The following TLK1 variants were observed in gnomAD, a reference collection of about 807,000 sequenced individuals.
TLK1 encodes tousled like kinase 1, also known as serine/threonine-protein kinase tousled-like 1.
Under a neutral mutation model 105.3 loss-of-function variants are expected in TLK1, and 24 were observed. The observed-to-expected ratio is 0.23, with a 90% CI of 0.17 to 0.32. The LOEUF is 0.32. TLK1 is among the 10% of genes least tolerant of loss of function. TLK1 has a pLI of 1.00. For synonymous variants in TLK1, 321 were observed against 310.4 expected, an observed-to-expected ratio of 1.03 and a Z score of -0.36; for missense variants, 558 against 910.5, an observed-to-expected ratio of 0.61 and a Z score of 4.98.
At chr2:171,063,909 C>T (rs1575565888) in intron 3 of TLK1, among the ~76,000 whole-genome samples, 1 of 152,298 alleles carries the variant, frequency 6.6e-6, no homozygotes, top group Middle Eastern at 3.4e-3. Context: ...AAATACTTCA[C>T]TGGATATGCA....
At chr2:171,023,235 T>C (rs1575524687) in intron 12 of TLK1, 2 of 466,714 alleles carry the variant, frequency 4.3e-6, no homozygotes, top group East Asian at 1.4e-4. Flanking sequence ...GATTTTTGTT[T>C]TAGTAGAGAT....
At chr2:171,159,590 G>A (rs969030522) in intron 1 of TLK1, 1 of 152,282 alleles carries the variant, frequency 6.6e-6, no homozygotes. Flanking sequence ...TAGCCTACTT[G>A]CAGCAGAGAA....
At chr2:171,059,791 A>C (rs781362788) in intron 4 of TLK1, 14 of 663,162 alleles carry the variant, frequency 2.1e-5, no homozygotes, top group South Asian at 3.3e-5. Flanking sequence ...GATTCTCATA[A>C]GGGAGTGCAT....
At chr2:171,195,490 A>G (rs1183290194) in intron 1 of TLK1, among the ~76,000 whole-genome samples, 1 of 142,890 alleles carries the variant, frequency 7.0e-6, no homozygotes, top group Non-Finnish European at 1.5e-5. Context: ...TGACAGAGCA[A>G]GACTCTGTCT....
At chr2:171,069,462 A>G (rs1238844439) in intron 3 of TLK1, among the ~76,000 whole-genome samples, 1 of 152,208 alleles carries the variant, frequency 6.6e-6, no homozygotes, top group Non-Finnish European at 1.5e-5. Context: ...GTATTTGGCA[A>G]TACCTAGAGG....
intron 1 of TLK1, among the ~76,000 whole-genome samples, chr2:171,201,915 A>G (rs971192266): frequency 2.6e-5 from 4 of 151,822 alleles, no homozygotes; most frequent in African/African-American, 9.7e-5. Flanking sequence ...CTATCTATCT[A>G]TCTATCTATC....
rs1218215042 is a variant in TLK1, at chr2:170,991,176, T to G, written c.*2604A>C. ...AATCATATGCAAAAACTGTTGATTT[T>G]ACCCTACATCAGTGCTGACTCTTAA... On this transcript the variant is annotated 3_prime_UTR_variant, in exon 21 of 21. Transcript: ENST00000431350. 6.6e-6 allele frequency: 1 copy of G among 152,216 alleles called. No homozygotes were observed. Among genetic ancestry groups the G allele is most frequent in the East Asian group, 1.9e-4 (1 of 5,204 alleles). The allele number at this position is 152,216 out of a possible 1,614,324, so 9.4% of individuals were successfully genotyped here. A position where few individuals can be genotyped will look rare whatever the true frequency, so the allele number is the denominator to read the frequency against.
intron 6 of TLK1, among the ~76,000 whole-genome samples, chr2:171,056,205 C>T (rs926004531): frequency 6.6e-6 from 1 of 151,980 alleles, no homozygotes; most frequent in South Asian, 2.1e-4. Context: ...CCCACAGACT[C>T]AACAGGCATT....
chr2:171,185,105 C>T (rs1364916162), intron 1 of TLK1, among the ~76,000 whole-genome samples: 3 of 152,290 alleles, frequency 2.0e-5, no homozygotes, highest in East Asian at 1.9e-4. Flanking sequence ...TCCCAAAGTG[C>T]TGGGATTACA....
At chr2:171,113,591 A>G (rs1030858361) in intron 2 of TLK1, among the ~76,000 whole-genome samples, 4 of 152,122 alleles carry the variant, frequency 2.6e-5, no homozygotes, top group African/African-American at 7.2e-5. Flanking sequence ...CTTATCATAT[A>G]TATGTAAATC....
At chr2:170,997,864 A>G in intron 18 of TLK1, 41 bp from the exon 19 acceptor site, 8 of 1,223,768 alleles carry the variant, frequency 6.5e-6, no homozygotes, top group Non-Finnish European at 8.1e-6. Context: ...ACTACTGACA[A>G]TCTGTAACTT....
intron 14 of TLK1, 126 bp downstream of exon 14, chr2:171,011,247 A>G: frequency 1.4e-6 from 1 of 716,026 alleles, no homozygotes; most frequent in East Asian, 3.1e-5. Context: ...GCACCCTCCC[A>G]TCTCCCAAAG....
intron 11 of TLK1, among the ~76,000 whole-genome samples, chr2:171,039,485 T>C (rs1686546575): frequency 6.6e-6 from 1 of 152,110 alleles, no homozygotes; most frequent in Non-Finnish European, 1.5e-5. Context: ...CTTCAACTCC[T>C]GAGCTCAAGC....
At chr2:171,201,684 C>G (rs1334584707) in intron 1 of TLK1, among the ~76,000 whole-genome samples, 8 of 152,182 alleles carry the variant, frequency 5.3e-5, no homozygotes, top group Admixed American at 5.2e-4. Flanking sequence ...TGGTACAACT[C>G]TGAAGAAATC....
At chr2:170,995,183 T>C (rs540300027) in intron 20 of TLK1, among the ~76,000 whole-genome samples, 147 of 152,190 alleles carry the variant, frequency 9.7e-4, no homozygotes, top group African/African-American at 3.2e-3. Context: ...GACTGATATG[T>C]TAGAGTTTGA....
intron 1 of TLK1, among the ~76,000 whole-genome samples, chr2:171,173,258 A>G (rs1692761786): frequency 6.6e-6 from 1 of 152,228 alleles, no homozygotes; most frequent in African/African-American, 2.4e-5. Flanking sequence ...TAACATAACT[A>G]AAAAGGAAAA....
chr2:171,119,750 G>A (rs1238338057), intron 1 of TLK1, among the ~76,000 whole-genome samples: 1 of 152,168 alleles, frequency 6.6e-6, no homozygotes, highest in Non-Finnish European at 1.5e-5. Flanking sequence ...AAATGGTGCA[G>A]GGAAAACTGG....
chr2:171,130,986 A>G (rs1480013969), intron 1 of TLK1, among the ~76,000 whole-genome samples: 1 of 151,024 alleles, frequency 6.6e-6, no homozygotes, highest in Non-Finnish European at 1.5e-5. Flanking sequence ...TCAAAATTTT[A>G]AGATTCTAAT....
intron 2 of TLK1, among the ~76,000 whole-genome samples, chr2:171,089,827 C>T (rs1689150210): frequency 6.6e-6 from 1 of 152,180 alleles, no homozygotes; most frequent in African/African-American, 2.4e-5. Flanking sequence ...GCACAAGCCA[C>T]CGTGCCTGGT....
Sources: allele counts gnomAD v4.1 joint callset (sites outside exome capture counted in the v4.1 genomes callset), GRCh38; gene constraint gnomAD v4.1.1; transcripts MANE v1.5; gene names NCBI Gene and HGNC (gene_info 2026-07-23, HGNC 2026-07-21).